Variants in GPHN observed in about 807,000 individuals in gnomAD.
GPHN encodes gephyrin.
In GPHN, 17 loss-of-function variants were observed where a neutral mutation model predicts 95.5. That is an observed-to-expected ratio of 0.18 (90% CI 0.12 to 0.27). The LOEUF (loss-of-function observed/expected upper bound fraction) is 0.27, where lower values mean the gene tolerates loss of function less well. GPHN is among the 10% of genes least tolerant of loss of function. The pLI is 1.00. For missense variants in GPHN, 660 were observed against 978.1 expected (o/e 0.67, Z 4.34); for synonymous variants, 320 against 322.5 (o/e 0.99, Z 0.08).
chr14:66,633,443 A>G (rs1336092692), intron 1 of GPHN, among the ~76,000 whole-genome samples: 3 of 152,096 alleles, frequency 2.0e-5, no homozygotes, highest in East Asian at 1.9e-4. Context: ...GGAATTTTGC[A>G]TTTTACTGTA....
the GPHN span, chr14:67,592,213 T>C: frequency 5.7e-4 from 136 of 238,050 alleles, 1 homozygote; most frequent in African/African-American, 3.0e-3. Context: ...GGCAGGAGAA[T>C]TGCTTGAACT....
At chr14:66,840,087 T>C (rs903501562) in intron 4 of GPHN, among the ~76,000 whole-genome samples, 17 of 151,996 alleles carry the variant, frequency 1.1e-4, no homozygotes, top group African/African-American at 4.1e-4. Flanking sequence ...GAGACCAGCC[T>C]GGCCAACACG....
the GPHN span, among the ~76,000 whole-genome samples, chr14:67,605,130 G>T: frequency 6.6e-6 from 1 of 152,064 alleles, no homozygotes; most frequent in South Asian, 2.1e-4. Context: ...TGCTTGGATT[G>T]TACTGAATCT....
chr14:67,573,885 C>T, the GPHN span: 1 of 1,608,284 alleles, frequency 6.2e-7, no homozygotes, highest in Non-Finnish European at 8.5e-7. This position sits in a 1 kb window ranked among gnomAD's most constrained non-coding sequence, Gnocchi z 4.8. Flanking sequence ...ACAGACGTTT[C>T]AGGTGAGCAC....
chr14:66,826,461 A>G (rs2153494517), intron 4 of GPHN, among the ~76,000 whole-genome samples: 2 of 152,276 alleles, frequency 1.3e-5, no homozygotes, highest in African/African-American at 4.8e-5. Flanking sequence ...CTGCAGATTT[A>G]AGGGCTGTGT....
intron 2 of GPHN, among the ~76,000 whole-genome samples, chr14:66,691,634 G>A (rs1044352413): frequency 1.3e-5 from 2 of 152,152 alleles, no homozygotes; most frequent in Non-Finnish European, 2.9e-5. Flanking sequence ...AATTATAATA[G>A]CAGAGATGAT....
intron 9 of GPHN, among the ~76,000 whole-genome samples, chr14:66,978,350 A>G (rs1248581671): frequency 3.9e-5 from 6 of 152,216 alleles, no homozygotes; most frequent in Non-Finnish European, 5.9e-5. Flanking sequence ...TTTTTTCTAC[A>G]GTGAAACTTC....
intron 4 of GPHN, among the ~76,000 whole-genome samples, chr14:66,854,484 ATAAAATAGTGGAACACTTAGGTTAAC>A (rs1259830557): frequency 6.6e-6 from 1 of 152,244 alleles, no homozygotes; most frequent in Non-Finnish European, 1.5e-5. Flanking sequence ...AGCAATTTAG[ATAAAATAGTGGAACACTTAGGTTAAC>A]TAATTTAAAA....
intron 2 of GPHN, among the ~76,000 whole-genome samples, chr14:66,710,250 A>C (rs139504509): frequency 3.9e-5 from 6 of 152,220 alleles, no homozygotes; most frequent in Non-Finnish European, 8.8e-5. Flanking sequence ...AAATACAAAT[A>C]TATGCCAAAT....
At chr14:67,083,790 A>G (rs2076783026) in intron 11 of GPHN, among the ~76,000 whole-genome samples, 1 of 152,190 alleles carries the variant, frequency 6.6e-6, no homozygotes, top group African/African-American at 2.4e-5. Flanking sequence ...GCAAGTATAT[A>G]CAGAAACATG....
the GPHN span, among the ~76,000 whole-genome samples, chr14:67,475,978 CCT>C: frequency 6.6e-6 from 1 of 152,202 alleles, no homozygotes; most frequent in South Asian, 2.1e-4. Context: ...CTGGGCAGGC[CCT>C]CTCTAAATGA....
At chr14:66,682,976 C>G (rs888245448) in intron 2 of GPHN, among the ~76,000 whole-genome samples, 3 of 151,712 alleles carry the variant, frequency 2.0e-5, no homozygotes, top group African/African-American at 7.3e-5. Flanking sequence ...ATCATTTAAC[C>G]TACCACTAAA....
At chr14:67,729,163 T>C in the GPHN span, 1 of 1,610,254 alleles carries the variant, frequency 6.2e-7, no homozygotes, top group African/African-American at 1.3e-5. Context: ...AGTGTGTCCC[T>C]GATCTAATTG....
intron 8 of GPHN, among the ~76,000 whole-genome samples, chr14:66,958,440 C>G (rs2068678582): frequency 6.6e-6 from 1 of 152,104 alleles, no homozygotes; most frequent in Non-Finnish European, 1.5e-5. Flanking sequence ...GAGATATGTT[C>G]TGAGAAATGC....
intron 4 of GPHN, among the ~76,000 whole-genome samples, chr14:66,836,840 A>G (rs1470696968): frequency 1.3e-5 from 2 of 152,064 alleles, no homozygotes; most frequent in Non-Finnish European, 1.5e-5. Context: ...AACACATGAA[A>G]AAATGCTCAC....
At chr14:66,861,987 G>C (rs982031183) in intron 4 of GPHN, among the ~76,000 whole-genome samples, 2 of 151,820 alleles carry the variant, frequency 1.3e-5, no homozygotes, top group Admixed American at 6.6e-5. Flanking sequence ...AAAGAATAAC[G>C]ATCAGAACAG....
the GPHN span, chr14:67,335,202 A>ACTT: frequency 1.3e-5 from 2 of 152,320 alleles, no homozygotes; most frequent in Admixed American, 6.5e-5. Context: ...AATGTCCTAA[A>ACTT]CTTTTCTAAA....
rs1595814754 is a variant in GPHN at position 66,760,660 on chromosome 14, G to A, written c.144-15804G>A. The A allele has an allele frequency of 9.4e-6, 4 of 424,544 alleles. No individual in the cohort carries two copies. The Admixed American group carries it at 1.2e-4, about 13-fold the overall frequency. 26.3% of individuals were successfully genotyped at this position (424,544 alleles called of 1,614,324 possible). A position where few individuals can be genotyped will look rare whatever the true frequency, so the allele number is the denominator to read the frequency against. On this transcript the variant is annotated intron_variant, in intron 2 of 22. Transcript: ENST00000478722. ...AATGTTATAAAAACGTTAAAAAGAA[G>A]CATAATCCTCGCAAAGTTAGGTGAA...
intron 10 of GPHN, among the ~76,000 whole-genome samples, chr14:67,032,943 A>G (rs2074257588): frequency 6.6e-6 from 1 of 152,220 alleles, no homozygotes; most frequent in Non-Finnish European, 1.5e-5. Context: ...ACAGAGATTT[A>G]TGATTACCTG....
Sources: allele counts gnomAD v4.1 joint callset (sites outside exome capture counted in the v4.1 genomes callset), GRCh38; gene constraint gnomAD v4.1.1; non-coding constraint Gnocchi (gnomAD v3.1); transcripts MANE v1.5; gene names NCBI Gene and HGNC (gene_info 2026-07-23, HGNC 2026-07-21).